Variants in PCDH11X observed in about 807,000 individuals in gnomAD.
PCDH11X encodes protocadherin 11 X-linked, also known as protocadherin-11 X-linked.
In PCDH11X, 18 loss-of-function variants were observed where a neutral mutation model predicts 53.3. That is an observed-to-expected ratio of 0.34 (90% CI 0.23 to 0.50). The LOEUF (loss-of-function observed/expected upper bound fraction) is 0.50. Among genes scored for constraint, PCDH11X ranks in the 20% least tolerant of loss-of-function variants. PCDH11X has a pLI of 0.98. For missense variants in PCDH11X, 570 were observed against 1,032.4 expected (o/e 0.55, Z 6.14); for synonymous variants, 279 against 393.3 (o/e 0.71, Z 3.44).
intron 10 of PCDH11X, among the ~76,000 whole-genome samples, chrX:92,586,974 A>G (rs1924448529): frequency 1.0e-5 from 1 of 97,948 alleles, no homozygotes; most frequent in Non-Finnish European, 2.0e-5. Context: ...TCTACACAGA[A>G]GCCTTTTTTT....
intron 6 of PCDH11X, among the ~76,000 whole-genome samples, chrX:92,080,370 A>G (rs2148098793): frequency 9.0e-6 from 1 of 111,194 alleles, no homozygotes; most frequent in South Asian, 3.8e-4. Flanking sequence ...TCCAAATCAT[A>G]AGTTGATAAT....
intron 7 of PCDH11X, among the ~76,000 whole-genome samples, chrX:92,223,241 A>G (rs2066913261): frequency 9.0e-6 from 1 of 111,597 alleles, no homozygotes; most frequent in African/African-American, 3.3e-5. Context: ...TTATTTGTAT[A>G]TATTTCTCCT....
chrX:92,507,086 G>A (rs1216232573), intron 10 of PCDH11X, among the ~76,000 whole-genome samples: 1 of 110,207 alleles, frequency 9.1e-6, no homozygotes, highest in African/African-American at 3.3e-5. Context: ...TTTCATTTCT[G>A]ACTGTGCTTA....
intron 1 of PCDH11X, among the ~76,000 whole-genome samples, chrX:91,781,495 G>T (rs944731657): frequency 8.8e-6 from 1 of 113,055 alleles, no homozygotes; most frequent in Non-Finnish European, 1.9e-5. Context: ...AGTAAAACAG[G>T]TGTGACTCAA....
chrX:91,903,958 G>A (rs1178522743), intron 6 of PCDH11X, among the ~76,000 whole-genome samples: 1 of 109,396 alleles, frequency 9.1e-6, no homozygotes, highest in Non-Finnish European at 1.9e-5. Flanking sequence ...GAAGGCAGTT[G>A]ACTAGAAATT....
Position 92,058,203 on chromosome X carries a change from G to A in PCDH11X, c.3034-143172G>A, listed in dbSNP as rs764910558. ...ATACCTAAAAGAGGAAGGGCTGGTG[G>A]TGCAAGATGACATAGTTTCTGGAAA... On this transcript the variant is annotated intron_variant, in intron 6 of 10. Coordinates refer to ENST00000682573, the MANE Select transcript of PCDH11X (RefSeq NM_032968.5). Among the ~76,000 whole-genome samples, 11 of 108,824 alleles carry A rather than the reference G, an allele frequency of 1.0e-4. No individual in the cohort carries two copies. The East Asian group carries it at 3.2e-3, about 32-fold the overall frequency. 94.5% of individuals were successfully genotyped at this position (108,824 alleles called of 115,157 possible).
chrX:92,382,845 G>T (rs1440560430), intron 8 of PCDH11X, among the ~76,000 whole-genome samples: 4 of 104,045 alleles, frequency 3.8e-5, no homozygotes, highest in Non-Finnish European at 7.9e-5. Context: ...CAACTTCTCT[G>T]CAGGGCTACA....
chrX:92,105,351 A>G (rs1253005213), intron 6 of PCDH11X, among the ~76,000 whole-genome samples: 1 of 110,873 alleles, frequency 9.0e-6, no homozygotes, highest in Non-Finnish European at 1.9e-5. Flanking sequence ...CTGAGGTCCT[A>G]GGTGGATCTT....
rs186275751 is a variant in PCDH11X, at chrX:91,835,287, G to A, written c.-44-174G>A. 8.4e-4 allele frequency: 955 copies of A among 1,136,370 alleles called. 3 individuals carry two copies. In the African/African-American group the frequency reaches 0.015, roughly 18 times the overall value. The allele number at this position is 1,136,370 out of a possible 1,213,427, so 93.6% of individuals were successfully genotyped here. A position where few individuals can be genotyped will look rare whatever the true frequency, so the allele number is the denominator to read the frequency against. ...TCATTTATCTTTATTCTTAATGTAC[G>A]AATTCATAATATTTGATTCAGAACA... is the stretch of plus-strand genomic sequence containing the variant. On this transcript the variant is annotated intron_variant, in intron 4 of 10. Transcript: ENST00000682573.
At chrX:92,177,498 G>A (rs2065929098) in intron 6 of PCDH11X, among the ~76,000 whole-genome samples, 1 of 111,843 alleles carries the variant, frequency 8.9e-6, no homozygotes, top group Admixed American at 9.6e-5. Context: ...GAGATGGCCT[G>A]TTTCTTAACA....
At chrX:92,096,510 A>C (rs377286026) in intron 6 of PCDH11X, among the ~76,000 whole-genome samples, 2 of 108,118 alleles carry the variant, frequency 1.8e-5, no homozygotes, top group South Asian at 4.1e-4. Flanking sequence ...TACACATATC[A>C]TATTGTATTT....
intron 8 of PCDH11X, among the ~76,000 whole-genome samples, chrX:92,274,790 G>A (rs1160816655): frequency 9.0e-6 from 1 of 110,995 alleles, no homozygotes; most frequent in African/African-American, 3.3e-5. Context: ...CTTTGCTGGT[G>A]TGTGGCGATA....
intron 6 of PCDH11X, among the ~76,000 whole-genome samples, chrX:92,129,954 G>T (rs1045127201): frequency 9.0e-6 from 1 of 111,476 alleles, no homozygotes; most frequent in Non-Finnish European, 1.9e-5. Flanking sequence ...TGAGTAAATG[G>T]CTTATATGCG....
At chrX:91,795,302 T>G (rs1317133524) in intron 1 of PCDH11X, among the ~76,000 whole-genome samples, 3 of 111,741 alleles carry the variant, frequency 2.7e-5, no homozygotes, top group Non-Finnish European at 5.6e-5. Flanking sequence ...TTGCCCAAGG[T>G]CACAAAAGCA....
intron 10 of PCDH11X, among the ~76,000 whole-genome samples, chrX:92,585,697 A>T (rs1924315064): frequency 9.0e-6 from 1 of 111,294 alleles, no homozygotes; most frequent in African/African-American, 3.3e-5. Flanking sequence ...GAATACTTTG[A>T]ATCACTAAAC....
chrX:92,454,236 T>C (rs908497858), intron 9 of PCDH11X, among the ~76,000 whole-genome samples: 9 of 106,217 alleles, frequency 8.5e-5, no homozygotes, highest in African/African-American at 2.7e-4. Context: ...TCAGTATATA[T>C]AGATATTATA....
chrX:92,132,651 A>G (rs1487822228), intron 6 of PCDH11X, among the ~76,000 whole-genome samples: 8 of 57,013 alleles, frequency 1.4e-4, no homozygotes, highest in South Asian at 6.8e-4. Flanking sequence ...ATATATATAT[A>G]TATATGTATA....
At chrX:92,078,875 C>A (rs2063814621) in intron 6 of PCDH11X, among the ~76,000 whole-genome samples, 1 of 110,621 alleles carries the variant, frequency 9.0e-6, no homozygotes, top group Non-Finnish European at 1.9e-5. Context: ...CTCACACACG[C>A]CTATATAGAA....
chrX:91,828,661 C>G lies in PCDH11X; in HGVS notation c.-44-6800C>G, dbSNP rs372506947. On this transcript the variant is annotated intron_variant, in intron 4 of 10. Coordinates refer to ENST00000682573, the MANE Select transcript of PCDH11X (RefSeq NM_032968.5). ...ATCTGTTATTAGGCAGTTGATAAAC[C>G]AAGTCGTAAGATTGGTTTTAAAAGG... Among the ~76,000 whole-genome samples the G allele has an allele frequency of 4.4e-3, 484 of 111,011 alleles. 1 individual carries two copies. Among genetic ancestry groups the G allele is most frequent in the Non-Finnish European group, 6.7e-3 (357 of 53,025 alleles).
Sources: allele counts gnomAD v4.1 joint callset (sites outside exome capture counted in the v4.1 genomes callset), GRCh38; gene constraint gnomAD v4.1.1; transcripts MANE v1.5; gene names NCBI Gene and HGNC (gene_info 2026-07-23, HGNC 2026-07-21).